RGS22: variants seen among roughly 807,000 people sequenced by gnomAD.
RGS22 encodes regulator of G protein signaling 22, also known as regulator of G-protein signaling 22.
Under a neutral mutation model 172.9 loss-of-function variants are expected in RGS22, and 148 were observed. The observed-to-expected ratio is 0.86, with a 90% CI of 0.75 to 0.98. The LOEUF (loss-of-function observed/expected upper bound fraction) is 0.98. RGS22 is among the 50% of genes least tolerant of loss of function. RGS22 has a pLI of 0.00. For synonymous variants in RGS22, 458 were observed against 480.2 expected (o/e 0.95, Z 0.60); for missense variants, 1,347 against 1,440.8 (o/e 0.93, Z 1.05).
chr8:99,994,779 C>T (rs150215008), intron 20 of RGS22, among the ~76,000 whole-genome samples: 4,414 of 152,050 alleles, frequency 0.029, 96 homozygotes, highest in Non-Finnish European at 0.048. Context: ...AAAGTGCATA[C>T]GGAACCAAAA....
intron 14 of RGS22, among the ~76,000 whole-genome samples, chr8:100,016,239 T>C (rs1816931404): frequency 6.6e-6 from 1 of 152,174 alleles, no homozygotes; most frequent in South Asian, 2.1e-4. Context: ...ACCAAGAATA[T>C]ACAATTTAGA....
Position 99,987,498 on chromosome 8 carries a change from T to C in RGS22, c.3140A>G (p.Glu1047Gly). Reference sequence around the variant, plus strand: ...TTCTTGCCAAAAGAGTAAACCATTTTCCAATAAATCTCCTTTTAGAGCCAC... The same window carrying C: ...TTCTTGCCAAAAGAGTAAACCATTTCCCAATAAATCTCCTTTTAGAGCCAC... ...RFVALKGDLL[E>G]NGLLFWQEVQ... Residue 1047 changes from glutamate (E) to glycine (G), a missense_variant, in exon 21 of 28, where the codon GAA becomes GGA. Transcript: ENST00000360863. 1.2e-6 allele frequency: 2 copies of C among 1,611,742 alleles called. No homozygotes were observed. The highest frequency in any genetic ancestry group is 1.1e-5 in the South Asian group (1 of 90,834).
At chr8:99,985,460 A>G (rs570692146) in intron 21 of RGS22, among the ~76,000 whole-genome samples, 1 of 152,282 alleles carries the variant, frequency 6.6e-6, no homozygotes, top group East Asian at 1.9e-4. Flanking sequence ...TATTGTCCCC[A>G]TACCCCATCA....
At chr8:100,076,706 A>C (rs1811374256) in intron 4 of RGS22, among the ~76,000 whole-genome samples, 1 of 152,104 alleles carries the variant, frequency 6.6e-6, no homozygotes, top group Admixed American at 6.6e-5. Flanking sequence ...TTTAAGAAAT[A>C]TGTGGGCCGG....
At chr8:100,034,945 C>T (rs1819276164) in intron 14 of RGS22, among the ~76,000 whole-genome samples, 1 of 152,146 alleles carries the variant, frequency 6.6e-6, no homozygotes, top group Non-Finnish European at 1.5e-5. Context: ...ATACCTTACA[C>T]AAAAATTAAT....
chr8:99,986,891 T>C (rs188249478), intron 21 of RGS22, among the ~76,000 whole-genome samples: 1 of 152,284 alleles, frequency 6.6e-6, no homozygotes, highest in African/African-American at 2.4e-5. Flanking sequence ...GAAAAAAATA[T>C]GTACAGTACA....
intron 27 of RGS22, among the ~76,000 whole-genome samples, chr8:99,961,882 G>T (rs1810236076): frequency 6.6e-6 from 1 of 152,082 alleles, no homozygotes; most frequent in Non-Finnish European, 1.5e-5. Context: ...TAATCTACAA[G>T]CAAAATATAA....
At chr8:99,973,863 C>T (rs1396253032) in intron 23 of RGS22, among the ~76,000 whole-genome samples, 1 of 137,128 alleles carries the variant, frequency 7.3e-6, no homozygotes, top group Non-Finnish European at 1.5e-5. Context: ...AGTGAGACTC[C>T]ATCTCAAAAA....
At chr8:100,105,816 G>C (rs925063561) in intron 1 of RGS22, 81 bp downstream of exon 1, 1 of 1,234,538 alleles carries the variant, frequency 8.1e-7, no homozygotes, top group African/African-American at 1.6e-5. Context: ...AGGAGGGCAG[G>C]AGGTAAAGTC....
intron 15 of RGS22, 72 bp from the exon 16 acceptor site, chr8:100,006,181 A>G: frequency 2.5e-6 from 3 of 1,189,096 alleles, no homozygotes; most frequent in South Asian, 2.7e-5. Context: ...GCTGAAAAAC[A>G]AATACAGTTG....
At chr8:100,004,182 T>C in intron 16 of RGS22, 84 bp from the exon 17 acceptor site, 1 of 1,431,302 alleles carries the variant, frequency 7.0e-7, no homozygotes, top group African/African-American at 1.4e-5. Context: ...GAAAGAAAAA[T>C]CAACCATTAG....
At chr8:100,092,830 T>TCAATCTATGTTA (rs1314386799) in intron 3 of RGS22, among the ~76,000 whole-genome samples, 9 of 152,360 alleles carry the variant, frequency 5.9e-5, no homozygotes, top group Admixed American at 4.6e-4. Flanking sequence ...TTAATTGGCA[T>TCAATCTATGTTA]CAATCTATGT....
chr8:100,052,416 C>G (rs192410535), intron 10 of RGS22, among the ~76,000 whole-genome samples: 1,622 of 151,356 alleles, frequency 0.011, 25 homozygotes, highest in African/African-American at 0.037. Flanking sequence ...ATTCTCCTGC[C>G]TCAGCCTCCC....
chr8:100,053,514 G>A (rs1821923587), intron 9 of RGS22, among the ~76,000 whole-genome samples: 1 of 151,936 alleles, frequency 6.6e-6, no homozygotes, highest in Non-Finnish European at 1.5e-5. Context: ...ATCCATAAAG[G>A]AATTTTTAAA....
At position 99,972,885 on chromosome 8, in the gene RGS22, T is replaced by G. The variant is rs544432394; in HGVS notation, c.3519+5032A>C. ...TGTCTCTACTAAAAATACAAAAAAA[T>G]TAGCTGGGTGTGGTGGTGGGCGACT... On this transcript the variant is annotated intron_variant, in intron 23 of 27. Transcript: ENST00000360863. Among the ~76,000 whole-genome samples the G allele has an allele frequency of 4.0e-5, 6 of 151,222 alleles. 1 individual carries two copies. The highest frequency in any genetic ancestry group is 4.2e-4 in the South Asian group (2 of 4,782).
chr8:100,091,635 A>T (rs1002221216), intron 3 of RGS22, among the ~76,000 whole-genome samples: 17 of 152,254 alleles, frequency 1.1e-4, no homozygotes, highest in East Asian at 3.8e-4. Flanking sequence ...TTCCAAAACA[A>T]GTTGATGTAA....
In RGS22 at chr8:100,063,650, G is replaced by A. The variant is rs1157082270; in HGVS notation, c.1118C>T (p.Thr373Ile). 6.2e-7 allele frequency: 1 copy of A among 1,613,862 alleles called. No homozygotes were observed. Among genetic ancestry groups the A allele is most frequent in the Non-Finnish European group, 8.5e-7 (1 of 1,179,974 alleles). ...TTCTATCTCTTCTGACCTCTCCTTT[G>A]TAGTTTGAACTAATTCACTTAAAAA... ...KNFLSELVQT[T>I]KERSEEIEQT... Residue 373 changes from threonine to isoleucine, a missense_variant, in exon 8 of 28, where the codon ACA becomes ATA. Physicochemically the swap from Thr to Ile is moderately conservative, Grantham distance 89 (BLOSUM62 -1). Coordinates refer to ENST00000360863, the MANE Select transcript of RGS22 (RefSeq NM_015668.5).
intron 9 of RGS22, among the ~76,000 whole-genome samples, chr8:100,059,979 G>C (rs375000658): frequency 6.6e-6 from 1 of 152,138 alleles, no homozygotes; most frequent in South Asian, 2.1e-4. Flanking sequence ...TCCTGCCTCA[G>C]TCTCCCAAAG....
intron 4 of RGS22, among the ~76,000 whole-genome samples, chr8:100,079,098 T>G (rs1811563023): frequency 6.6e-6 from 1 of 152,258 alleles, no homozygotes; most frequent in African/African-American, 2.4e-5. Context: ...AAATAGCTTT[T>G]GTTTAACAAT....
Sources: allele counts gnomAD v4.1 joint callset (sites outside exome capture counted in the v4.1 genomes callset), GRCh38; gene constraint gnomAD v4.1.1; transcripts MANE v1.5; gene names NCBI Gene and HGNC (gene_info 2026-07-23, HGNC 2026-07-21).